RNF217: variants seen among roughly 807,000 people sequenced by gnomAD.
The protein encoded by RNF217 is E3 ubiquitin-protein ligase RNF217.
RNF217 carries 31 observed loss-of-function variants against 57.8 expected under a neutral mutation model. The observed-to-expected ratio is 0.54, with a 90% CI of 0.40 to 0.72. The LOEUF (loss-of-function observed/expected upper bound fraction) is 0.72. RNF217 is among the 30% of genes least tolerant of loss of function. The pLI is 0.00. For missense variants in RNF217, 696 were observed against 708.3 expected (o/e 0.98, Z 0.20); for synonymous variants, 313 against 294.0 (o/e 1.06, Z -0.66).
Position 125,085,439 on chromosome 6 carries a change from A to C in RNF217, c.*2502A>C, listed in dbSNP as rs577585220. On this transcript the variant is annotated 3_prime_UTR_variant, in exon 6 of 6. Transcript: ENST00000521654. ...GGTAACTTAAAATGATTATTTGTGA[A>C]TTTTTTACTAAGTTTCATCAAGATC... 6.6e-6 allele frequency: 1 copy of C among 151,876 alleles called. No individual in the cohort carries two copies. Among genetic ancestry groups the C allele is most frequent in the South Asian group, 2.1e-4 (1 of 4,816 alleles). The allele number at this position is 151,876 out of a possible 1,614,324, so 9.4% of individuals were successfully genotyped here. A position where few individuals can be genotyped will look rare whatever the true frequency, so the allele number is the denominator to read the frequency against.
At chr6:125,022,346 C>T (rs537091821) in intron 1 of RNF217, among the ~76,000 whole-genome samples, 1 of 152,286 alleles carries the variant, frequency 6.6e-6, no homozygotes, top group African/African-American at 2.4e-5. Flanking sequence ...AAATTATAGG[C>T]AGTAACAGTT....
At chr6:125,072,230 G>T (rs959178797) in intron 3 of RNF217, among the ~76,000 whole-genome samples, 2 of 152,088 alleles carry the variant, frequency 1.3e-5, no homozygotes, top group African/African-American at 4.8e-5. Context: ...TTCTCTGTTA[G>T]TGTCAAATAA....
At chr6:124,969,890 T>C (rs1456345373) in intron 1 of RNF217, among the ~76,000 whole-genome samples, 2 of 151,476 alleles carry the variant, frequency 1.3e-5, no homozygotes, top group Non-Finnish European at 1.5e-5. Context: ...ATGGAGGATA[T>C]GTTTTACGAA....
intron 1 of RNF217, among the ~76,000 whole-genome samples, chr6:125,031,772 C>G (rs1786371631): frequency 6.6e-6 from 1 of 152,214 alleles, no homozygotes; most frequent in Non-Finnish European, 1.5e-5. Flanking sequence ...CCAAGCTGTT[C>G]CAACCTCTGC....
intron 5 of RNF217, chr6:125,082,571 T>C: frequency 6.2e-7 from 1 of 1,609,464 alleles, no homozygotes; most frequent in Non-Finnish European, 8.5e-7. Flanking sequence ...AGTGTGAGTA[T>C]CATAGTGTGC....
chr6:125,011,758 C>T (rs1785422801), intron 1 of RNF217, among the ~76,000 whole-genome samples: 1 of 152,062 alleles, frequency 6.6e-6, no homozygotes. Context: ...ATTTTCCCAT[C>T]TAGTTCTTTA....
In RNF217 at chr6:124,963,221, A is replaced by G. The variant is rs1448432329; in HGVS notation, c.677A>G (p.Glu226Gly). ...LSPDGGSIEL[E>G]FYLAPEPFSM... ...CCCGACGGCGGCAGCATCGAGCTGG[A>G]GTTCTACCTGGCGCCCGAGCCGTTC... The change falls in exon 1 of 6, where the codon GAG becomes GGG. Residue 226 changes from glutamate (E) to glycine (G), a missense_variant. Physicochemically the swap from Glu to Gly is moderately conservative, Grantham distance 98 (BLOSUM62 -2). Coordinates refer to ENST00000521654, the MANE Select transcript of RNF217 (RefSeq NM_001286398.3). 2 of 1,535,960 alleles carry G rather than the reference A, an allele frequency of 1.3e-6. No individual in the cohort carries two copies. Among genetic ancestry groups the G allele is most frequent in the Admixed American group, 3.9e-5 (2 of 50,986 alleles).
At chr6:124,984,981 CAA>C (rs1784321661) in intron 1 of RNF217, among the ~76,000 whole-genome samples, 1 of 152,058 alleles carries the variant, frequency 6.6e-6, no homozygotes, top group Admixed American at 6.5e-5. Context: ...AAGCAAAAGA[CAA>C]AGCACCCAAT....
At chr6:125,058,305 C>G (rs575462696) in intron 3 of RNF217, among the ~76,000 whole-genome samples, 199 bp downstream of exon 3, 21 of 152,088 alleles carry the variant, frequency 1.4e-4, no homozygotes, top group Middle Eastern at 6.8e-3. Flanking sequence ...TTTTGCATTA[C>G]TCTTCAAAAT....
chr6:125,057,262 C>T (rs533001264), intron 2 of RNF217, among the ~76,000 whole-genome samples: 5 of 152,194 alleles, frequency 3.3e-5, no homozygotes, highest in East Asian at 1.9e-4. Flanking sequence ...CTGCAACCTC[C>T]GCCTCCTGGG....
At chr6:125,026,696 T>C (rs1035439638) in intron 1 of RNF217, among the ~76,000 whole-genome samples, 9 of 152,186 alleles carry the variant, frequency 5.9e-5, no homozygotes, top group Non-Finnish European at 1.2e-4. Context: ...CAGCTTTTTT[T>C]AGGTAGGGAA....
At chr6:125,048,284 T>G (rs1374103001) in intron 2 of RNF217, 1 of 1,320,192 alleles carries the variant, frequency 7.6e-7, no homozygotes, top group East Asian at 5.0e-5. Flanking sequence ...TTTTGCAGTA[T>G]TTTTAAAAAT....
At position 125,091,092 on chromosome 6, in the gene RNF217, A is replaced by T. The variant is rs537210269; in HGVS notation, c.*8155A>T. 7 of 152,178 alleles carry T rather than the reference A, an allele frequency of 4.6e-5. No homozygotes were observed. The East Asian group carries it at 1.3e-3, about 29-fold the overall frequency. 9.4% of individuals were successfully genotyped at this position (152,178 alleles called of 1,614,324 possible). ...TTTTAGAGCAATCAACTTATTTCCA[A>T]ATTATTATTTCATGCTGTTGTTTCC... On this transcript the variant is annotated 3_prime_UTR_variant, in exon 6 of 6. Coordinates refer to ENST00000521654, the MANE Select transcript of RNF217 (RefSeq NM_001286398.3).
At chr6:125,048,179 C>G in intron 2 of RNF217, 2 of 1,342,950 alleles carry the variant, frequency 1.5e-6, no homozygotes, top group Non-Finnish European at 2.0e-6. Context: ...ATGGATACCC[C>G]AGCCAACCAA....
At position 124,970,016 on chromosome 6, in the gene RNF217, G is replaced by C. The variant is rs559528658; in HGVS notation, c.882+6590G>C. Among the ~76,000 whole-genome samples, 56 of 152,294 alleles carry C rather than the reference G, an allele frequency of 3.7e-4. 1 individual carries two copies. The South Asian group carries it at 0.01, about 28-fold the overall frequency. ...TAGAAGCATACGTGTGAGTTTCCAG[G>C]AATCGCAAGGAGATCTGTGAGGCTG... On this transcript the variant is annotated intron_variant, in intron 1 of 5. Coordinates refer to ENST00000521654, the MANE Select transcript of RNF217 (RefSeq NM_001286398.3).
intron 1 of RNF217, among the ~76,000 whole-genome samples, chr6:124,966,595 AT>A (rs1783553093): frequency 6.6e-6 from 1 of 152,238 alleles, no homozygotes; most frequent in African/African-American, 2.4e-5. Flanking sequence ...ATAGTGCATT[AT>A]TTAACATCAT....
At chr6:125,001,026 A>G (rs911269999) in intron 1 of RNF217, among the ~76,000 whole-genome samples, 6 of 152,290 alleles carry the variant, frequency 3.9e-5, no homozygotes, top group Middle Eastern at 3.4e-3. Context: ...GAAATATCCA[A>G]TCACCAGCTC....
chr6:124,990,407 T>TA lies in RNF217; in HGVS notation c.882+26982dup, dbSNP rs1311338834. Among the ~76,000 whole-genome samples, 4 of 152,322 alleles carry TA rather than the reference T, an allele frequency of 2.6e-5. No homozygotes were observed. The East Asian group carries it at 7.7e-4, about 29-fold the overall frequency. ...GACTTGTTTATACATCTATGTAATA[T>TA]ATCTGCAATTGATTTTATAAGAGAT... On this transcript the variant is annotated intron_variant, in intron 1 of 5. Transcript: ENST00000521654.
At chr6:124,988,665 A>G (rs1784443522) in intron 1 of RNF217, among the ~76,000 whole-genome samples, 1 of 152,212 alleles carries the variant, frequency 6.6e-6, no homozygotes, top group Non-Finnish European at 1.5e-5. Flanking sequence ...ACATTTTAGC[A>G]GATTCTACTT....
Sources: gnomAD v4.1 joint callset for allele counts (sites outside exome capture counted in the v4.1 genomes callset) on GRCh38, gnomAD v4.1.1 for gene constraint, MANE v1.5 for transcripts, NCBI Gene and HGNC (gene_info 2026-07-23, HGNC 2026-07-21) for gene names.